SLC30A4: variants seen among roughly 807,000 people sequenced by gnomAD.
SLC30A4 encodes the protein solute carrier family 30 member 4.
SLC30A4 carries 20 observed loss-of-function variants against 41.7 expected under a neutral mutation model. That is an observed-to-expected ratio of 0.48 (90% CI 0.34 to 0.70). SLC30A4 has a LOEUF of 0.70. Among genes scored for constraint, SLC30A4 ranks in the 30% least tolerant of loss-of-function variants. The probability of loss-of-function intolerance (pLI) is 0.01; values close to 1 mark genes in which losing one functional copy is unlikely to be tolerated. For synonymous variants in SLC30A4, 181 were observed against 195.9 expected (o/e 0.92, Z 0.64); for missense variants, 441 against 529.3 (o/e 0.83, Z 1.64).
chr15:45,498,406 G>A (rs754772642), intron 3 of SLC30A4, among the ~76,000 whole-genome samples: 80 of 152,176 alleles, frequency 5.3e-4, no homozygotes, highest in Middle Eastern at 3.4e-3. Context: ...CCAATATGAT[G>A]CTCAAAGGGG....
chr15:45,517,345 C>CTTT (rs1166130286), intron 2 of SLC30A4, among the ~76,000 whole-genome samples: 457 of 65,570 alleles, frequency 7.0e-3, no homozygotes, highest in East Asian at 0.013. Flanking sequence ...CCAATCCATT[C>CTTT]TTTTTTTTTT....
chr15:45,488,752 G>T, intron 5 of SLC30A4, 89 bp downstream of exon 5: 2 of 940,186 alleles, frequency 2.1e-6, no homozygotes, highest in South Asian at 1.5e-5. Flanking sequence ...ACTGGCACTG[G>T]TGTCCAGTAT....
chr15:45,488,754 G>A (rs778047486), intron 5 of SLC30A4, 87 bp downstream of exon 5: 19 of 969,374 alleles, frequency 2.0e-5, no homozygotes, highest in Non-Finnish European at 2.4e-5. Flanking sequence ...TGGCACTGGT[G>A]TCCAGTATAC....
chr15:45,500,654 A>G (rs887670672), intron 3 of SLC30A4, among the ~76,000 whole-genome samples: 3 of 138,824 alleles, frequency 2.2e-5, no homozygotes, highest in African/African-American at 3.3e-5. Context: ...CTATCTATCT[A>G]TCTATCTATA....
At chr15:45,501,701 C>T (rs760601637) in intron 3 of SLC30A4, among the ~76,000 whole-genome samples, 10 of 152,096 alleles carry the variant, frequency 6.6e-5, no homozygotes, top group Non-Finnish European at 1.3e-4. Context: ...ATAGGGGTCT[C>T]GCTTTGTTGC....
intron 3 of SLC30A4, among the ~76,000 whole-genome samples, chr15:45,504,493 G>A (rs145640960): frequency 1.7e-3 from 261 of 152,088 alleles, no homozygotes; most frequent in African/African-American, 6.1e-3. Context: ...CTGTTTTATC[G>A]CTAACACCTA....
intron 2 of SLC30A4, among the ~76,000 whole-genome samples, chr15:45,520,336 C>G (rs1892626896): frequency 6.6e-6 from 1 of 151,902 alleles, no homozygotes; most frequent in South Asian, 2.1e-4. Context: ...GTGGCGCAAT[C>G]TCGGCTCACC....
chr15:45,517,264 C>T (rs1595532974), intron 2 of SLC30A4, among the ~76,000 whole-genome samples: 1 of 129,196 alleles, frequency 7.7e-6, no homozygotes, highest in African/African-American at 4.8e-5. Context: ...GCATTATATA[C>T]ACTCATCTCT....
At chr15:45,516,153 A>T (rs572016545) in intron 2 of SLC30A4, among the ~76,000 whole-genome samples, 13 of 152,294 alleles carry the variant, frequency 8.5e-5, no homozygotes, top group South Asian at 4.1e-4. Context: ...TTTTACTATT[A>T]TATCTGACTG....
At chr15:45,506,904 C>T (rs887551413) in intron 3 of SLC30A4, among the ~76,000 whole-genome samples, 4 of 152,134 alleles carry the variant, frequency 2.6e-5, no homozygotes, top group African/African-American at 4.8e-5. Flanking sequence ...AGTACATGTA[C>T]AAGGTTGTGC....
At chr15:45,487,909 TAA>T (rs1491372432) in intron 5 of SLC30A4, among the ~76,000 whole-genome samples, 4 of 123,068 alleles carry the variant, frequency 3.3e-5, no homozygotes, top group East Asian at 5.5e-4. Context: ...TGGAAAGAAG[TAA>T]GTGTGTGTGT....
rs1892238010 is a variant in SLC30A4, at chr15:45,509,638, G to C, written c.538+1500C>G. 2.0e-5 allele frequency among the ~76,000 whole-genome samples: 3 copies of C among 152,136 alleles called. No homozygotes were observed. In the South Asian group the frequency reaches 6.2e-4, roughly 31 times the overall value. Reference sequence around the variant, plus strand: ...TTTAGCTCTTTTGTACAGTAGCTGAGAGTACGGAGGGGTGGGGATGCTAGA... The same window carrying C: ...TTTAGCTCTTTTGTACAGTAGCTGACAGTACGGAGGGGTGGGGATGCTAGA... On this transcript the variant is annotated intron_variant, in intron 3 of 7. Transcript: ENST00000261867.
chr15:45,519,671 C>G (rs1366247554), intron 2 of SLC30A4: 2 of 152,134 alleles, frequency 1.3e-5, no homozygotes, highest in Non-Finnish European at 2.9e-5. Flanking sequence ...AAAGGAAATA[C>G]TTATTGTGGC....
At chr15:45,499,946 T>C (rs889099109) in intron 3 of SLC30A4, among the ~76,000 whole-genome samples, 13 of 152,252 alleles carry the variant, frequency 8.5e-5, no homozygotes, top group African/African-American at 2.9e-4. Flanking sequence ...GAATAGCCAC[T>C]GTATCCCACA....
chr15:45,502,288 G>T (rs531924590), intron 3 of SLC30A4: 24 of 152,230 alleles, frequency 1.6e-4, no homozygotes, highest in African/African-American at 5.8e-4. Context: ...GTTTCTCCAT[G>T]TTGGTGAGGC....
At chr15:45,492,263 G>C (rs941262312) in intron 3 of SLC30A4, among the ~76,000 whole-genome samples, 2 of 146,892 alleles carry the variant, frequency 1.4e-5, no homozygotes, top group African/African-American at 5.0e-5. Flanking sequence ...CCACCAAAGA[G>C]GAACTTCATA....
intron 3 of SLC30A4, among the ~76,000 whole-genome samples, chr15:45,510,840 T>C (rs910132036): frequency 1.1e-4 from 17 of 152,214 alleles, no homozygotes; most frequent in Non-Finnish European, 2.9e-5. Context: ...GTTAAACCCA[T>C]GTGGTTTTGC....
At chr15:45,489,219 C>T (rs1233884325) in intron 4 of SLC30A4, among the ~76,000 whole-genome samples, 177 bp from the exon 5 acceptor site, 1 of 152,062 alleles carries the variant, frequency 6.6e-6, no homozygotes, top group Non-Finnish European at 1.5e-5. Flanking sequence ...ATAGACATAT[C>T]CCTACCCCCA....
rs1213822008 is a variant in SLC30A4, at chr15:45,510,057, G to A, written c.538+1081C>T. 7.2e-5 allele frequency among the ~76,000 whole-genome samples: 11 copies of A among 151,936 alleles called. No individual in the cohort carries two copies. In the South Asian group the frequency reaches 1.7e-3, roughly 23 times the overall value. On this transcript the variant is annotated intron_variant, in intron 3 of 7. Coordinates refer to ENST00000261867, the MANE Select transcript of SLC30A4 (RefSeq NM_013309.6). ...ACTGCACTCCAGCCTGGGCAACAGC[G>A]CAAGAAGATCACACCACTGCACTCC...
Sources: allele counts gnomAD v4.1 joint callset (sites outside exome capture counted in the v4.1 genomes callset), GRCh38; gene constraint gnomAD v4.1.1; transcripts MANE v1.5; gene names NCBI Gene and HGNC (gene_info 2026-07-23, HGNC 2026-07-21).